The following CCM2 variants were observed in gnomAD, a reference collection of about 807,000 sequenced individuals.
The protein encoded by CCM2 is CCM2 scaffold protein.
CCM2 carries 25 observed loss-of-function variants against 44.9 expected under a neutral mutation model. The observed-to-expected ratio is 0.56, with a 90% CI of 0.41 to 0.78. The LOEUF is 0.78. CCM2 is among the 30% of genes least tolerant of loss of function. The pLI is 0.00. For missense variants in CCM2, 481 were observed against 580.6 expected, an observed-to-expected ratio of 0.83 and a Z score of 1.76; for synonymous variants, 219 against 241.1, an observed-to-expected ratio of 0.91 and a Z score of 0.85.
chr7:45,025,644 G>A (rs899569659), intron 1 of CCM2, among the ~76,000 whole-genome samples: 3 of 150,368 alleles, frequency 2.0e-5, no homozygotes, highest in East Asian at 1.9e-4. Flanking sequence ...AGTGATTCTC[G>A]TGCTTCAGCC....
At chr7:45,014,283 G>A (rs1056842950) in intron 1 of CCM2, among the ~76,000 whole-genome samples, 1 of 151,980 alleles carries the variant, frequency 6.6e-6, no homozygotes, top group Non-Finnish European at 1.5e-5. Context: ...GGGATTTCAG[G>A]TGCCTGCCAC....
intron 5 of CCM2, 122 bp downstream of exon 5, chr7:45,068,701 C>G: frequency 8.1e-7 from 1 of 1,233,034 alleles, no homozygotes; most frequent in South Asian, 1.3e-5. Context: ...GCTACTTCCT[C>G]TGCCATTGCC....
At chr7:45,063,845 T>C (rs1354786864) in intron 2 of CCM2, 73 bp from the exon 3 acceptor site, 2 of 1,031,962 alleles carry the variant, frequency 1.9e-6, no homozygotes. Flanking sequence ...TGGTTTGTGC[T>C]CTCGGTGGTA....
At chr7:45,057,026 T>C (rs1798295557) in intron 2 of CCM2, among the ~76,000 whole-genome samples, 1 of 152,234 alleles carries the variant, frequency 6.6e-6, no homozygotes. Flanking sequence ...TTCATTCTTT[T>C]GCCTGTGGAT....
At chr7:45,021,517 T>G (rs1490520685) in intron 1 of CCM2, among the ~76,000 whole-genome samples, 1 of 150,908 alleles carries the variant, frequency 6.6e-6, no homozygotes, top group African/African-American at 2.4e-5. Context: ...TGAGCTGAGA[T>G]CGCGCCACTG....
chr7:45,001,535 C>G (rs1006627630), intron 1 of CCM2, among the ~76,000 whole-genome samples: 5 of 152,234 alleles, frequency 3.3e-5, no homozygotes, highest in African/African-American at 4.8e-5. Context: ...TAGGGACCAT[C>G]AGGCCCGAGT....
At chr7:45,066,481 C>G (rs1798779602) in intron 4 of CCM2, among the ~76,000 whole-genome samples, 1 of 152,144 alleles carries the variant, frequency 6.6e-6, no homozygotes, top group Non-Finnish European at 1.5e-5. Context: ...ATCCAGAGTT[C>G]TCAGCATAAG....
intron 1 of CCM2, among the ~76,000 whole-genome samples, chr7:45,011,030 C>A (rs150106990): frequency 3.6e-4 from 55 of 152,148 alleles, no homozygotes; most frequent in Middle Eastern, 3.4e-3. Flanking sequence ...ATTTTTGTCT[C>A]CTAATTCTTT....
In CCM2 at chr7:45,073,522, G is replaced by A. The variant is rs2289366; in HGVS notation, c.866G>A (p.Ser289Asn). 4.4e-3 allele frequency: 7,058 copies of A among 1,613,166 alleles called. 437 individuals carry two copies. The Admixed American group carries it at 0.098, about 22-fold the overall frequency. The change falls in exon 8 of 10, where the codon AGC becomes AAC. Residue 289 changes from serine (S) to asparagine (N), a missense_variant. Coordinates refer to ENST00000258781, the MANE Select transcript of CCM2 (RefSeq NM_031443.4). ...CCCCACAGCAAGACCATCAGTGAGA[G>A]CGAGCTGAGCGCCAGCGCCACTGAG... ...ASPHSKTISE[S>N]ELSASATELL...
intron 1 of CCM2, among the ~76,000 whole-genome samples, chr7:45,006,938 A>T (rs1795871031): frequency 6.6e-6 from 1 of 152,212 alleles, no homozygotes; most frequent in African/African-American, 2.4e-5. Flanking sequence ...AAGAAGGCTA[A>T]TGCACCAGGT....
intron 1 of CCM2, among the ~76,000 whole-genome samples, chr7:45,014,870 C>A (rs1320574014): frequency 1.3e-5 from 2 of 152,172 alleles, no homozygotes; most frequent in African/African-American, 4.8e-5. Flanking sequence ...GATCGGCCCA[C>A]CTCAGCCTCC....
At chr7:45,053,315 T>C (rs1798097463) in intron 2 of CCM2, among the ~76,000 whole-genome samples, 1 of 152,346 alleles carries the variant, frequency 6.6e-6, no homozygotes, top group African/African-American at 2.4e-5. Flanking sequence ...TGGTCTCTCC[T>C]TCAGTCAGTG....
intron 2 of CCM2, among the ~76,000 whole-genome samples, chr7:45,059,511 G>A (rs1048537658): frequency 3.3e-5 from 5 of 152,080 alleles, no homozygotes; most frequent in Admixed American, 6.5e-5. Context: ...TTTGAAGGCC[G>A]AGGCGGGCGG....
chr7:45,046,019 T>G (rs964622036), intron 2 of CCM2, among the ~76,000 whole-genome samples: 18 of 152,210 alleles, frequency 1.2e-4, no homozygotes, highest in African/African-American at 3.9e-4. Flanking sequence ...ATTCATGGAT[T>G]GGAAGACTCA....
intron 1 of CCM2, among the ~76,000 whole-genome samples, chr7:45,004,857 C>T (rs1202966786): frequency 3.3e-5 from 5 of 151,850 alleles, no homozygotes; most frequent in Admixed American, 1.3e-4. Context: ...ATTAGCTGAG[C>T]GTGGTGGTGG....
intron 1 of CCM2, among the ~76,000 whole-genome samples, chr7:45,000,634 G>T (rs1795570844): frequency 6.6e-6 from 1 of 152,248 alleles, no homozygotes; most frequent in Admixed American, 6.5e-5. Context: ...CGGGACCTGG[G>T]GCTGCAGAGG....
chr7:45,038,232 C>T (rs1797318499), intron 1 of CCM2, 21 bp from the exon 2 acceptor site: 2 of 1,613,466 alleles, frequency 1.2e-6, no homozygotes. Flanking sequence ...GAACTCCAAT[C>T]ATTGCCGTTT....
chr7:45,039,315 T>C (rs560475137), intron 2 of CCM2, among the ~76,000 whole-genome samples: 1 of 152,340 alleles, frequency 6.6e-6, no homozygotes, highest in South Asian at 2.1e-4. Context: ...AATTCCTTTT[T>C]CTTTCAAGCT....
intron 2 of CCM2, among the ~76,000 whole-genome samples, chr7:45,057,042 G>A (rs906796930): frequency 5.9e-5 from 9 of 152,272 alleles, no homozygotes; most frequent in African/African-American, 1.9e-4. Context: ...TGGATATCCA[G>A]TTTTCCCAGC....
Sources: gnomAD v4.1 joint callset for allele counts (sites outside exome capture counted in the v4.1 genomes callset) on GRCh38, gnomAD v4.1.1 for gene constraint, MANE v1.5 for transcripts, NCBI Gene and HGNC (gene_info 2026-07-23, HGNC 2026-07-21) for gene names.